NTM: variants seen among roughly 807,000 people sequenced by gnomAD.
NTM encodes IgLON family member 2.
NTM carries 13 observed loss-of-function variants against 42.1 expected under a neutral mutation model. That is an observed-to-expected ratio of 0.31 (90% CI 0.20 to 0.49). The LOEUF (loss-of-function observed/expected upper bound fraction) is 0.49, where lower values mean the gene tolerates loss of function less well. NTM is among the 20% of genes least tolerant of loss of function. The pLI, the probability that NTM is intolerant of heterozygous loss-of-function variation, is 0.99. For synonymous variants in NTM, 187 were observed against 179.2 expected (o/e 1.04, Z -0.35); for missense variants, 373 against 452.8 (o/e 0.82, Z 1.60).
At chr11:132,172,290 G>T (rs2076219658) in intron 3 of NTM, among the ~76,000 whole-genome samples, 1 of 152,192 alleles carries the variant, frequency 6.6e-6, no homozygotes, top group Non-Finnish European at 1.5e-5. Flanking sequence ...AGAGATGTTT[G>T]ATAATGTCCA....
rs956965181 is a variant in NTM, at chr11:132,208,319, T to C, written c.401-3703T>C. On this transcript the variant is annotated intron_variant, in intron 3 of 8. Coordinates refer to ENST00000683400, the MANE Select transcript of NTM (RefSeq NM_001352005.2). ...TGACTCCCTTAGCATCTTAGGCATA[T>C]GCCAATTTGTTTCTGATAATTGGGA... 2.0e-5 allele frequency among the ~76,000 whole-genome samples: 3 copies of C among 152,226 alleles called. No individual in the cohort carries two copies. In the South Asian group the frequency reaches 6.2e-4, roughly 32 times the overall value.
Position 132,040,733 on chromosome 11 carries a change from G to GT in NTM, c.168-105543dup, listed in dbSNP as rs2077071127. Reference sequence around the variant, plus strand: ...AGAACAAAGCCCGCTCTGCTCTCCTGTTTTTTAACCTCTTTGCTGAAGCAT... The same window carrying GT: ...AGAACAAAGCCCGCTCTGCTCTCCTGTTTTTTTAACCTCTTTGCTGAAGCAT... On this transcript the variant is annotated intron_variant, in intron 2 of 8. Transcript: ENST00000683400. Among the ~76,000 whole-genome samples, 3 of 152,138 alleles carry GT rather than the reference G, an allele frequency of 2.0e-5. No individual in the cohort carries two copies. In the South Asian group the frequency reaches 6.2e-4, roughly 32 times the overall value.
In NTM at chr11:131,697,537, A is replaced by C. The variant is rs528541146; in HGVS notation, c.83-214027A>C. 1.8e-3 allele frequency among the ~76,000 whole-genome samples: 280 copies of C among 152,264 alleles called. No homozygotes were observed. The Middle Eastern group carries it at 0.02, about 11-fold the overall frequency. ...TCTTCTCACTCTTAACTGCTATTCC[A>C]TAGTCCCCATTTCTGTATTTCTGGG... On this transcript the variant is annotated intron_variant, in intron 1 of 8. Transcript: ENST00000683400.
At chr11:131,604,238 T>C (rs1179362928) in intron 1 of NTM, among the ~76,000 whole-genome samples, 2 of 152,208 alleles carry the variant, frequency 1.3e-5, no homozygotes, top group Non-Finnish European at 2.9e-5. Context: ...TGTGAAGTGG[T>C]ATCTCACTGT....
chr11:131,408,023 T>G (rs1451982663), intron 1 of NTM, among the ~76,000 whole-genome samples: 2 of 152,198 alleles, frequency 1.3e-5, no homozygotes, highest in Admixed American at 1.3e-4. Flanking sequence ...TATGCAACAG[T>G]TAGTTATTTC....
chr11:131,415,282 TG>T (rs143236155), intron 1 of NTM, among the ~76,000 whole-genome samples: 3,337 of 152,284 alleles, frequency 0.022, 41 homozygotes, highest in African/African-American at 0.038. Context: ...GAGTTTGCTC[TG>T]GAAGAAACTG....
At chr11:132,220,511 C>T (rs759557937) in intron 4 of NTM, among the ~76,000 whole-genome samples, 2 of 152,148 alleles carry the variant, frequency 1.3e-5, no homozygotes, top group Non-Finnish European at 2.9e-5. Flanking sequence ...AATAAAAAGA[C>T]TAGTGGGGAA....
chr11:132,326,994 G>A (rs1441431507), intron 7 of NTM, among the ~76,000 whole-genome samples: 1 of 152,216 alleles, frequency 6.6e-6, no homozygotes, highest in South Asian at 2.1e-4. Context: ...TGGACTAGAA[G>A]TATTTTGATA....
chr11:131,620,917 C>T (rs374597778), intron 1 of NTM, among the ~76,000 whole-genome samples: 3 of 152,206 alleles, frequency 2.0e-5, no homozygotes, highest in African/African-American at 7.2e-5. Context: ...AGTAGATGTC[C>T]AATAGCTACT....
chr11:131,917,109 GT>G (rs1379994865), intron 2 of NTM, among the ~76,000 whole-genome samples: 3 of 152,202 alleles, frequency 2.0e-5, no homozygotes, highest in African/African-American at 7.2e-5. Flanking sequence ...GGTTATCTGT[GT>G]ATGGGTTGTC....
At chr11:131,959,319 T>A (rs562448356) in intron 2 of NTM, among the ~76,000 whole-genome samples, 1 of 152,320 alleles carries the variant, frequency 6.6e-6, no homozygotes, top group Admixed American at 6.5e-5. Flanking sequence ...TTCTTCGCTG[T>A]ATTAACATCC....
At chr11:131,872,291 CT>C (rs2047868471) in intron 1 of NTM, among the ~76,000 whole-genome samples, 1 of 152,158 alleles carries the variant, frequency 6.6e-6, no homozygotes, top group African/African-American at 2.4e-5. Context: ...CAGCAACTGG[CT>C]TTTGGGTGGG....
chr11:131,936,574 C>A (rs1593008197), intron 2 of NTM, among the ~76,000 whole-genome samples: 1 of 152,180 alleles, frequency 6.6e-6, no homozygotes, highest in Non-Finnish European at 1.5e-5. Flanking sequence ...CATGAAAATC[C>A]TAGACTTCAT....
intron 2 of NTM, among the ~76,000 whole-genome samples, chr11:131,980,079 G>C (rs1453461515): frequency 6.6e-6 from 1 of 152,128 alleles, no homozygotes; most frequent in Non-Finnish European, 1.5e-5. Context: ...AATTTTAAGA[G>C]TAATTAAAGA....
intron 2 of NTM, among the ~76,000 whole-genome samples, chr11:132,016,590 A>G (rs2073452759): frequency 6.6e-6 from 1 of 152,016 alleles, no homozygotes; most frequent in Non-Finnish European, 1.5e-5. Flanking sequence ...ATTATGAATA[A>G]TGCTGCTATG....
chr11:131,697,918 G>A (rs972722280), intron 1 of NTM, among the ~76,000 whole-genome samples: 5 of 152,088 alleles, frequency 3.3e-5, no homozygotes, highest in African/African-American at 1.2e-4. Context: ...GTGTGGCCTG[G>A]GAAAGAGCAT....
chr11:131,631,454 A>G (rs2063648412), intron 1 of NTM, among the ~76,000 whole-genome samples: 2 of 152,320 alleles, frequency 1.3e-5, no homozygotes, highest in Non-Finnish European at 1.5e-5. Context: ...TCTGCTCTCT[A>G]AAAGTCCTGT....
chr11:131,802,114 C>T (rs531524377), intron 1 of NTM, among the ~76,000 whole-genome samples: 1 of 152,294 alleles, frequency 6.6e-6, no homozygotes, highest in Admixed American at 6.5e-5. Flanking sequence ...CCCTGAAATA[C>T]ACCTGAAGTT....
chr11:131,618,445 A>G (rs188153119), intron 1 of NTM, among the ~76,000 whole-genome samples: 1 of 152,328 alleles, frequency 6.6e-6, no homozygotes, highest in Non-Finnish European at 1.5e-5. Flanking sequence ...TAGTCAGCAA[A>G]TGTGCCAATA....
Sources: allele counts gnomAD v4.1 joint callset (sites outside exome capture counted in the v4.1 genomes callset), GRCh38; gene constraint gnomAD v4.1.1; transcripts MANE v1.5; gene names NCBI Gene and HGNC (gene_info 2026-07-23, HGNC 2026-07-21).